The following CNOT1 variants were observed in gnomAD, a reference collection of about 807,000 sequenced individuals.
CNOT1 encodes CCR4-NOT transcription complex subunit 1, also known as CCR4-associated factor 1.
CNOT1 carries 15 observed loss-of-function variants against 273.8 expected under a neutral mutation model. The observed-to-expected ratio is 0.05, with a 90% confidence interval of 0.04 to 0.08. The LOEUF is 0.08. Among genes scored for constraint, CNOT1 ranks in the 10% least tolerant of loss-of-function variants. The probability of loss-of-function intolerance (pLI) is 1.00; values close to 1 mark genes in which losing one functional copy is unlikely to be tolerated. For missense variants in CNOT1, 1,644 were observed against 2,912.2 expected, an observed-to-expected ratio of 0.56 and a Z score of 10.02; for synonymous variants, 1,022 against 1,005.5, an observed-to-expected ratio of 1.02 and a Z score of -0.31.
At position 58,523,435 on chromosome 16, in the gene CNOT1, G is replaced by A. The variant is rs150195298; in HGVS notation, c.6852C>T (p.Phe2284=). 1.0e-4 allele frequency: 162 copies of A among 1,613,950 alleles called. No individual in the cohort carries two copies. Among genetic ancestry groups the A allele is most frequent in the Non-Finnish European group, 1.3e-4 (156 of 1,179,934 alleles). ...LRYPNSHTHY[F]SCTMLYLFAE... is the part of the protein sequence containing the mutation. ...CAAAAAGGTACAGCATGGTGCAACT[G>A]AAGTAGTGAGTGTGGCTATTTGGGT... The change falls in exon 47 of 49, where the codon TTC becomes TTT. Residue 2284 remains phenylalanine, a synonymous_variant. Transcript: ENST00000317147.
intron 1 of CNOT1, among the ~76,000 whole-genome samples, chr16:58,611,583 G>A (rs976332644): frequency 3.3e-5 from 5 of 152,148 alleles, no homozygotes; most frequent in Non-Finnish European, 7.4e-5. Flanking sequence ...CACTTTGGGA[G>A]GCCAAGGAAG....
chr16:58,584,750 C>T (rs1355368357), intron 8 of CNOT1, among the ~76,000 whole-genome samples: 1 of 152,060 alleles, frequency 6.6e-6, no homozygotes, highest in African/African-American at 2.4e-5. Context: ...TGTGATTTGT[C>T]TGAGAGTTTT....
chr16:58,573,275 C>A (rs1462069278), intron 16 of CNOT1, among the ~76,000 whole-genome samples: 2 of 150,306 alleles, frequency 1.3e-5, no homozygotes, highest in Admixed American at 6.6e-5. Flanking sequence ...CAATGCACTC[C>A]AGCCTGGGCA....
intron 2 of CNOT1, chr16:58,599,000 G>A (rs11862766): frequency 0.37 from 128,067 of 342,670 alleles, 26,269 homozygotes; most frequent in African/African-American, 0.6. Flanking sequence ...GCAGTGAGCC[G>A]AGATCATGCC....
intron 1 of CNOT1, among the ~76,000 whole-genome samples, chr16:58,603,509 C>G (rs2042556479): frequency 6.6e-6 from 1 of 151,522 alleles, no homozygotes; most frequent in South Asian, 2.1e-4. Flanking sequence ...TCCGCTGACT[C>G]AGAGTAGAAA....
In CNOT1 at chr16:58,581,508, C is replaced by G. The variant is rs756634159; in HGVS notation, c.1052G>C (p.Ser351Thr). The G allele has an allele frequency of 6.2e-7, 1 of 1,610,740 alleles. No individual in the cohort carries two copies. The highest frequency in any genetic ancestry group is 8.5e-7 in the Non-Finnish European group (1 of 1,178,826). The change falls in exon 11 of 49, where the codon AGT becomes ACT. Residue 351 changes from serine (S) to threonine (T), a missense_variant. Ser to Thr is a moderately conservative substitution (Grantham distance 58). This residue lies in a region of CNOT1 where 706 missense variants were observed against 1,021.2 expected (regional missense o/e 0.69). Transcript: ENST00000317147. ...LIDVLKELNP[S>T]LNFKEVTYEL... ...ATAAGTTACTTCCTTGAAATTCAAA[C>G]TTGGATTCTAAAAAAGACCAAAGCA...
At chr16:58,569,855 T>G (rs1453799733) in intron 16 of CNOT1, among the ~76,000 whole-genome samples, 1 of 152,092 alleles carries the variant, frequency 6.6e-6, no homozygotes, top group Non-Finnish European at 1.5e-5. Flanking sequence ...CCGATAAATT[T>G]TATTAAAAAC....
intron 2 of CNOT1, among the ~76,000 whole-genome samples, chr16:58,597,014 G>A (rs1435428201): frequency 2.0e-5 from 3 of 150,272 alleles, no homozygotes; most frequent in Non-Finnish European, 4.4e-5. Context: ...TTGCCAAACA[G>A]GACTGAACAG....
At chr16:58,594,257 CA>C (rs1279137658) in intron 2 of CNOT1, among the ~76,000 whole-genome samples, 3 of 150,782 alleles carry the variant, frequency 2.0e-5, no homozygotes, top group South Asian at 2.1e-4. Context: ...AACAAAAAAA[CA>C]AAAACAAAAA....
chr16:58,551,082 G>C, intron 24 of CNOT1, 50 bp downstream of exon 24: 1 of 1,595,502 alleles, frequency 6.3e-7, no homozygotes, highest in Non-Finnish European at 8.5e-7. Flanking sequence ...ACATCCTTTA[G>C]TCCATTAAGG....
Position 58,520,288 on chromosome 16 carries a change from T to TAAAG in CNOT1, c.*666_*669dup, listed in dbSNP as rs1053902193. ...AGGCCTGGTCTGGTTTCCCTTTATA[T>TAAAG]AAAGAGCTGACCCCCATCTCAGGCG... is the stretch of plus-strand genomic sequence containing the variant. On this transcript the variant is annotated 3_prime_UTR_variant, in exon 49 of 49. Transcript: ENST00000317147. The TAAAG allele has an allele frequency of 2.0e-5, 3 of 152,142 alleles. No individual in the cohort carries two copies. The highest frequency in any genetic ancestry group is 7.3e-5 in the African/African-American group (3 of 41,374). 9.4% of individuals were successfully genotyped at this position (152,142 alleles called of 1,614,324 possible). A position where few individuals can be genotyped will look rare whatever the true frequency, so the allele number is the denominator to read the frequency against.
intron 45 of CNOT1, 55 bp from the exon 46 acceptor site, chr16:58,525,414 T>C: frequency 6.8e-7 from 1 of 1,467,404 alleles, no homozygotes; most frequent in Non-Finnish European, 9.4e-7. Flanking sequence ...GGACCAATTC[T>C]AGCACCAGTA....
At position 58,616,137 on chromosome 16, in the gene CNOT1, C is replaced by T. The variant is rs1242215999; in HGVS notation, c.-175+13591G>A. On this transcript the variant is annotated intron_variant, in intron 1 of 48. Transcript: ENST00000317147. The stretch of plus-strand genomic sequence containing the variant: ...TTGTTAGTTTTTTCAGACGGAGTCT[C>T]GCTCTGTTGCCCAGGCTGGAGTGCA... 4.0e-5 allele frequency among the ~76,000 whole-genome samples: 5 copies of T among 125,660 alleles called. 2 individuals are homozygous for T. The highest frequency in any genetic ancestry group is 4.7e-4 in the South Asian group (2 of 4,300). The allele number at this position is 125,660 out of a possible 152,430, so 82.4% of individuals were successfully genotyped here. A position where few individuals can be genotyped will look rare whatever the true frequency, so the allele number is the denominator to read the frequency against.
At chr16:58,626,273 T>A (rs910292611) in intron 1 of CNOT1, among the ~76,000 whole-genome samples, 8 of 151,812 alleles carry the variant, frequency 5.3e-5, no homozygotes, top group African/African-American at 1.7e-4. Context: ...CTGGCTGTGG[T>A]GGCAGGCACC....
rs2040097243 is a variant in CNOT1, at chr16:58,541,625, A to C, written c.4681-5T>G. On this transcript the variant is annotated splice_polypyrimidine_tract_variant and splice_region_variant and intron_variant, in intron 33 of 48. Coordinates refer to ENST00000317147, the MANE Select transcript of CNOT1 (RefSeq NM_016284.5). ...CTTTGGGTCCACACCACCAACCTTG[A>C]AAGAAGAAAACCTATTTTGACAGAA... 1.2e-6 allele frequency: 2 copies of C among 1,609,616 alleles called. No individual in the cohort carries two copies. Among genetic ancestry groups the C allele is most frequent in the African/African-American group, 2.7e-5 (2 of 74,488 alleles).
At chr16:58,530,497 T>C in intron 42 of CNOT1, 150 bp from the exon 43 acceptor site, 1 of 510,142 alleles carries the variant, frequency 2.0e-6, no homozygotes, top group South Asian at 4.4e-5. Context: ...AGATCGGCAT[T>C]AAAGGCCAGG....
At chr16:58,563,503 C>G (rs888585715) in intron 16 of CNOT1, among the ~76,000 whole-genome samples, 5 of 152,188 alleles carry the variant, frequency 3.3e-5, no homozygotes, top group Non-Finnish European at 4.4e-5. Context: ...GAGCCTTATA[C>G]TCCTAAAGGT....
At chr16:58,565,761 T>C (rs907097514) in intron 16 of CNOT1, among the ~76,000 whole-genome samples, 33 of 152,074 alleles carry the variant, frequency 2.2e-4, no homozygotes, top group African/African-American at 8.0e-4. Flanking sequence ...CTGGCCAACA[T>C]GGCAAAACCC....
chr16:58,547,828 A>C lies in CNOT1; in HGVS notation c.3523-146T>G. Reference sequence around the variant, plus strand: ...CCAAAGTAGAATTACTCTGTATATCATTCTCAATATCATTTTGCTGTGTTT... The same window carrying C: ...CCAAAGTAGAATTACTCTGTATATCCTTCTCAATATCATTTTGCTGTGTTT... On this transcript the variant is annotated intron_variant, in intron 25 of 48. Transcript: ENST00000317147. This position sits in a 1 kb window ranked among gnomAD's most constrained non-coding sequence, Gnocchi z 4.0. 1 of 679,010 alleles carries C rather than the reference A, an allele frequency of 1.5e-6. No individual in the cohort carries two copies. The highest frequency in any genetic ancestry group is 2.3e-6 in the Non-Finnish European group (1 of 428,972). 42.1% of individuals were successfully genotyped at this position (679,010 alleles called of 1,614,324 possible). A position where few individuals can be genotyped will look rare whatever the true frequency, so the allele number is the denominator to read the frequency against.
Sources: allele counts gnomAD v4.1 joint callset (sites outside exome capture counted in the v4.1 genomes callset), GRCh38; gene constraint gnomAD v4.1.1; regional missense constraint gnomAD v4.1.1; non-coding constraint Gnocchi (gnomAD v3.1); transcripts MANE v1.5; gene names NCBI Gene and HGNC (gene_info 2026-07-23, HGNC 2026-07-21).